HEMK2: variants seen among roughly 807,000 people sequenced by gnomAD.
HEMK2 encodes the protein methyltransferase HEMK2.
the HEMK2 span, among the ~76,000 whole-genome samples, chr21:28,653,354 C>T: frequency 2.0e-5 from 3 of 152,124 alleles, no homozygotes; most frequent in Non-Finnish European, 2.9e-5. Context: ...AGATCTCTCC[C>T]TTCAAACTCC....
the HEMK2 span, among the ~76,000 whole-genome samples, chr21:28,676,381 A>T: frequency 7.2e-5 from 11 of 152,244 alleles, no homozygotes; most frequent in Non-Finnish European, 1.6e-4. Flanking sequence ...ACCTCATTTT[A>T]ATTTAATTAC....
chr21:28,795,776 A>C, the HEMK2 span, among the ~76,000 whole-genome samples: 1 of 152,194 alleles, frequency 6.6e-6, no homozygotes, highest in Non-Finnish European at 1.5e-5. Flanking sequence ...AGGTTTGAAA[A>C]CTTAGAGGCT....
At chr21:28,803,261 G>A in the HEMK2 span, among the ~76,000 whole-genome samples, 2 of 152,214 alleles carry the variant, frequency 1.3e-5, no homozygotes, top group Non-Finnish European at 2.9e-5. Flanking sequence ...ATATACGGGT[G>A]CTGATCCCAA....
At chr21:28,605,186 G>A in the HEMK2 span, among the ~76,000 whole-genome samples, 1 of 152,334 alleles carries the variant, frequency 6.6e-6, no homozygotes, top group African/African-American at 2.4e-5. Context: ...GCTTTGCAAA[G>A]GAACTCCATT....
At chr21:28,763,866 G>A in the HEMK2 span, among the ~76,000 whole-genome samples, 3 of 152,012 alleles carry the variant, frequency 2.0e-5, no homozygotes, top group Admixed American at 6.6e-5. Flanking sequence ...TCTGGCCATT[G>A]TAGCCCACAT....
chr21:28,589,051 A>T, the HEMK2 span, among the ~76,000 whole-genome samples: 2 of 152,088 alleles, frequency 1.3e-5, no homozygotes, highest in Admixed American at 6.6e-5. Flanking sequence ...AAGTGAAAAA[A>T]CACCAGTCTG....
chr21:28,840,396 T>G, the HEMK2 span, among the ~76,000 whole-genome samples: 1 of 152,094 alleles, frequency 6.6e-6, no homozygotes, highest in East Asian at 1.9e-4. Flanking sequence ...GCTTTTGCAT[T>G]GCAAACGGAA....
the HEMK2 span, among the ~76,000 whole-genome samples, chr21:28,727,900 G>A: frequency 6.6e-6 from 1 of 152,196 alleles, no homozygotes; most frequent in Non-Finnish European, 1.5e-5. Context: ...TTTTAAAAAT[G>A]CTTCTGTTTT....
At chr21:28,588,009 G>C in the HEMK2 span, among the ~76,000 whole-genome samples, 6 of 152,188 alleles carry the variant, frequency 3.9e-5, no homozygotes, top group African/African-American at 1.4e-4. Context: ...GAAAGATCAG[G>C]ACTATTAAAT....
chr21:28,688,589 A>C, the HEMK2 span, among the ~76,000 whole-genome samples: 2 of 152,094 alleles, frequency 1.3e-5, no homozygotes, highest in African/African-American at 4.8e-5. Context: ...CTAGGTTCTC[A>C]ATAAATGTTG....
chr21:28,643,989 A>G, the HEMK2 span, among the ~76,000 whole-genome samples: 1 of 152,232 alleles, frequency 6.6e-6, no homozygotes, highest in Admixed American at 6.5e-5. Context: ...CCATGGGCCA[A>G]GACTCGAAGT....
chr21:28,724,769 T>TTTTTTG, the HEMK2 span, among the ~76,000 whole-genome samples: 30 of 152,146 alleles, frequency 2.0e-4, no homozygotes, highest in South Asian at 1.7e-3. Context: ...ATGTATCAGG[T>TTTTTTG]TTTTTGTTTT....
At chr21:28,655,421 T>C in the HEMK2 span, among the ~76,000 whole-genome samples, 4 of 152,164 alleles carry the variant, frequency 2.6e-5, no homozygotes, top group East Asian at 7.7e-4. Context: ...CTCTAAGTAG[T>C]TTTAAAAATC....
the HEMK2 span, among the ~76,000 whole-genome samples, chr21:28,728,370 C>T: frequency 6.6e-6 from 1 of 152,120 alleles, no homozygotes; most frequent in Non-Finnish European, 1.5e-5. Context: ...ATTGACAGGG[C>T]TGAGCAGTAG....
the HEMK2 span, among the ~76,000 whole-genome samples, chr21:28,754,658 A>T: frequency 1.3e-5 from 2 of 151,758 alleles, no homozygotes; most frequent in Admixed American, 1.3e-4. Flanking sequence ...TCTCAACAGA[A>T]TTTTTTTTTG....
the HEMK2 span, among the ~76,000 whole-genome samples, chr21:28,830,237 G>A: frequency 1.3e-5 from 2 of 152,112 alleles, no homozygotes; most frequent in Non-Finnish European, 2.9e-5. Context: ...CCCAATGTTG[G>A]GGGAGGGATC....
At chr21:28,780,101 T>C in the HEMK2 span, among the ~76,000 whole-genome samples, 1 of 152,072 alleles carries the variant, frequency 6.6e-6, no homozygotes. Context: ...ATAACTCAGG[T>C]CCATGAGCTA....
chr21:28,634,004 G>A, the HEMK2 span, among the ~76,000 whole-genome samples: 7 of 152,308 alleles, frequency 4.6e-5, no homozygotes, highest in Admixed American at 2.0e-4. Context: ...GCCAGCTACA[G>A]TGCCTGTTTA....
chr21:28,618,788 C>T, the HEMK2 span, among the ~76,000 whole-genome samples: 3 of 152,160 alleles, frequency 2.0e-5, no homozygotes, highest in Non-Finnish European at 1.5e-5. Flanking sequence ...TACTAATGAT[C>T]ACTTTTTACA....
Sources: allele counts gnomAD v4.1 joint callset (sites outside exome capture counted in the v4.1 genomes callset), GRCh38; gene constraint gnomAD v4.1.1; transcripts MANE v1.5; gene names NCBI Gene and HGNC (gene_info 2026-07-23, HGNC 2026-07-21).